Variants in RHPN2 observed in about 807,000 individuals in gnomAD.
RHPN2 encodes the protein rhophilin-2.
RHPN2 carries 40 observed loss-of-function variants against 79.0 expected under a neutral mutation model. The ratio of observed to expected loss-of-function variants is 0.51; its 90% CI spans 0.39 to 0.66. The LOEUF is 0.66. RHPN2 is among the 30% of genes least tolerant of loss of function. The pLI is 0.00. For missense variants in RHPN2, 686 were observed against 883.5 expected (o/e 0.78, Z 2.83); for synonymous variants, 285 against 363.5 (o/e 0.78, Z 2.46).
At chr19:33,049,729 G>A (rs946937722) in intron 1 of RHPN2, among the ~76,000 whole-genome samples, 20 of 152,120 alleles carry the variant, frequency 1.3e-4, no homozygotes, top group Non-Finnish European at 2.6e-4. Flanking sequence ...TCCTGGGGTC[G>A]GCCCGCTTAT....
At position 33,008,087 on chromosome 19, in the gene RHPN2, C is replaced by T. The variant is rs147473960; in HGVS notation, c.687G>A (p.Gln229=). Residue 229 remains glutamine (Q), a synonymous_variant, in exon 7 of 15, where the codon CAG becomes CAA. Transcript: ENST00000254260. ...VLFNTGALYT[Q]IGTRCDRQTQ... ...TCTGCCGATCACACCGGGTCCCAATCTGGGTGTAGAGGGCCCCAGTGTTGA... is the reference window on the plus strand; with the variant it reads ...TCTGCCGATCACACCGGGTCCCAATTTGGGTGTAGAGGGCCCCAGTGTTGA... 1.2e-5 allele frequency: 20 copies of T among 1,613,798 alleles called. No individual in the cohort carries two copies. The African/African-American group carries it at 2.3e-4, about 18-fold the overall frequency.
chr19:33,034,433 G>A (rs1376507937), intron 2 of RHPN2, among the ~76,000 whole-genome samples: 3 of 151,864 alleles, frequency 2.0e-5, no homozygotes, highest in East Asian at 3.9e-4. Context: ...GTGAAACCCT[G>A]TCTCTACTAA....
chr19:32,988,909 G>A (rs1279349828), intron 14 of RHPN2, among the ~76,000 whole-genome samples: 2 of 152,158 alleles, frequency 1.3e-5, no homozygotes, highest in African/African-American at 4.8e-5. Context: ...TCGCTGGGGG[G>A]CAGGGACCTT....
chr19:33,025,476 T>G (rs1971958529), intron 3 of RHPN2, among the ~76,000 whole-genome samples: 1 of 151,288 alleles, frequency 6.6e-6, no homozygotes, highest in African/African-American at 2.4e-5. Flanking sequence ...AGGGAGACTC[T>G]GTGTCAAAAA....
chr19:33,035,449 T>G (rs1471388349), intron 2 of RHPN2, among the ~76,000 whole-genome samples: 1 of 152,176 alleles, frequency 6.6e-6, no homozygotes, highest in East Asian at 1.9e-4. Flanking sequence ...GAGCTGCCCT[T>G]AAGATGTAGA....
At chr19:32,988,212 C>CAACAAAAAA (rs1555709781) in intron 14 of RHPN2, among the ~76,000 whole-genome samples, 1 of 138,696 alleles carries the variant, frequency 7.2e-6, no homozygotes. Flanking sequence ...ACAACAACAA[C>CAACAAAAAA]AAAAAAAAAA....
At chr19:33,013,351 T>C (rs1403202974) in intron 4 of RHPN2, among the ~76,000 whole-genome samples, 1 of 151,848 alleles carries the variant, frequency 6.6e-6, no homozygotes, top group Non-Finnish European at 1.5e-5. Context: ...TGTGCCACCA[T>C]GCGCAGCTAA....
chr19:33,053,563 A>G (rs1411686936), intron 1 of RHPN2, among the ~76,000 whole-genome samples: 1 of 151,300 alleles, frequency 6.6e-6, no homozygotes, highest in Admixed American at 6.6e-5. Flanking sequence ...AGCTGGGATT[A>G]CAGGCGCACA....
chr19:33,040,729 C>T (rs1228863630), intron 2 of RHPN2, among the ~76,000 whole-genome samples: 1 of 151,768 alleles, frequency 6.6e-6, no homozygotes, highest in East Asian at 2.0e-4. Flanking sequence ...CTGAGGCAGG[C>T]AGATCACCTG....
At position 32,979,507 on chromosome 19, in the gene RHPN2, A is replaced by G. The variant is rs1181841113; in HGVS notation, c.*489T>C. 1 of 156,026 alleles carries G rather than the reference A, an allele frequency of 6.4e-6. No individual in the cohort carries two copies. The highest frequency in any genetic ancestry group is 1.4e-5 in the Non-Finnish European group (1 of 70,242). 9.7% of individuals were successfully genotyped at this position (156,026 alleles called of 1,614,324 possible). ...TCTTGTTTTAGGTTAATGAATTCCT[A>G]TTAGGAAGCAGCACTTTGGGACAGT... On this transcript the variant is annotated 3_prime_UTR_variant, in exon 15 of 15. Coordinates refer to ENST00000254260, the MANE Select transcript of RHPN2 (RefSeq NM_033103.5).
intron 1 of RHPN2, among the ~76,000 whole-genome samples, chr19:33,050,021 G>C (rs992079109): frequency 1.3e-5 from 2 of 152,136 alleles, no homozygotes; most frequent in African/African-American, 4.8e-5. Context: ...ATGGCCTGGT[G>C]GGGGGCAGGG....
intron 2 of RHPN2, among the ~76,000 whole-genome samples, chr19:33,029,822 G>A (rs1406407197): frequency 6.6e-6 from 1 of 152,142 alleles, no homozygotes; most frequent in Non-Finnish European, 1.5e-5. Context: ...GTGAAATTGG[G>A]AGGAGGCCCG....
chr19:32,996,749 CCTT>C (rs892599304), intron 10 of RHPN2, among the ~76,000 whole-genome samples: 2 of 151,978 alleles, frequency 1.3e-5, no homozygotes, highest in Non-Finnish European at 2.9e-5. Flanking sequence ...AAATCTAGCC[CCTT>C]CTTCGGGCCC....
intron 4 of RHPN2, among the ~76,000 whole-genome samples, chr19:33,013,720 C>A (rs373398082): frequency 6.6e-6 from 1 of 152,052 alleles, no homozygotes; most frequent in Non-Finnish European, 1.5e-5. Flanking sequence ...CTCAGACTTG[C>A]AATTCTGGGC....
At chr19:32,984,426 A>C (rs547228887) in intron 14 of RHPN2, among the ~76,000 whole-genome samples, 12 of 152,172 alleles carry the variant, frequency 7.9e-5, no homozygotes, top group Non-Finnish European at 1.5e-4. Context: ...TGGGAGGCCA[A>C]GGCGGGCCAA....
chr19:33,052,937 G>A (rs564344719), intron 1 of RHPN2, among the ~76,000 whole-genome samples: 2 of 151,940 alleles, frequency 1.3e-5, no homozygotes, highest in African/African-American at 4.8e-5. Flanking sequence ...AACCCCTACT[G>A]TGTGCCAATC....
At chr19:33,051,748 T>C in intron 1 of RHPN2, 1 of 179,168 alleles carries the variant, frequency 5.6e-6, no homozygotes, top group South Asian at 9.2e-5. Context: ...AGGCCTGGTG[T>C]GGTGGCTCAC....
chr19:32,980,079 A>T lies in RHPN2; in HGVS notation c.1978T>A (p.Ser660Thr). 6.2e-7 allele frequency: 1 copy of T among 1,613,848 alleles called. No homozygotes were observed. The highest frequency in any genetic ancestry group is 8.5e-7 in the Non-Finnish European group (1 of 1,179,824). Residue 660 changes from serine (S) to threonine (T), a missense_variant, in exon 15 of 15, where the codon TCG becomes ACG. Ser to Thr is a moderately conservative substitution (Grantham distance 58). Transcript: ENST00000254260. Reference protein sequence around the residue: ...QKSASTLCLPSVGAARPQVKK... With the variant: ...QKSASTLCLPTVGAARPQVKK... ...ACCTGAGGCCGTGCAGCCCCGACCG[A>T]TGGGAGGCACAAGGTGCTGGCTGAC... is the stretch of plus-strand genomic sequence containing the variant.
At chr19:33,021,761 T>A (rs112970880) in intron 3 of RHPN2, 115 bp from the exon 4 acceptor site, 2 of 746,742 alleles carry the variant, frequency 2.7e-6, no homozygotes, top group South Asian at 2.8e-5. Flanking sequence ...TACCCCATCC[T>A]GTACTCACCT....
Sources: allele counts gnomAD v4.1 joint callset (sites outside exome capture counted in the v4.1 genomes callset), GRCh38; gene constraint gnomAD v4.1.1; transcripts MANE v1.5; gene names NCBI Gene and HGNC (gene_info 2026-07-23, HGNC 2026-07-21).